Variants in EVA1A observed in about 807,000 individuals in gnomAD.
The protein encoded by EVA1A is eva-1 homolog A, regulator of programmed cell death, also known as protein eva-1 homolog A.
Under a neutral mutation model 9.8 loss-of-function variants are expected in EVA1A, and 7 were observed. That is an observed-to-expected ratio of 0.71 (90% CI 0.41 to 1.34). The LOEUF is 1.34. Ranked by LOEUF, EVA1A falls within the 40% of genes most tolerant of loss-of-function variation. The pLI is 0.01. For synonymous variants in EVA1A, 90 were observed against 85.6 expected (o/e 1.05, Z -0.28); for missense variants, 206 against 205.9 (o/e 1.00, Z 0.00).
rs74771829 is a variant in EVA1A at position 75,516,098 on chromosome 2, T to C, written c.85+1958A>G. 1.9e-3 allele frequency among the ~76,000 whole-genome samples: 286 copies of C among 152,346 alleles called. 1 individual carries two copies. The highest frequency in any genetic ancestry group is 6.4e-3 in the African/African-American group (265 of 41,586). ...GGGCCCTGCGGGGTTGAAGATCTGA[T>C]AGAGCAGAATGAGGACATGAGACAG... On this transcript the variant is annotated intron_variant, in intron 3 of 3. Coordinates refer to ENST00000393913, the MANE Select transcript of EVA1A (RefSeq NM_001135032.2).
intron 3 of EVA1A, among the ~76,000 whole-genome samples, chr2:75,510,740 A>G (rs1558675488): frequency 6.6e-6 from 1 of 152,250 alleles, no homozygotes; most frequent in Non-Finnish European, 1.5e-5. Context: ...AACAGACACA[A>G]AGGACTAATA....
At chr2:75,547,638 T>C (rs1676379811) in intron 1 of EVA1A, among the ~76,000 whole-genome samples, 1 of 152,170 alleles carries the variant, frequency 6.6e-6, no homozygotes. Flanking sequence ...TCTCATCAAA[T>C]TGGTCTGCAG....
chr2:75,564,401 G>A (rs1676986791), upstream of EVA1A, among the ~76,000 whole-genome samples: 1 of 152,248 alleles, frequency 6.6e-6, no homozygotes. Context: ...GCCCAAGGCT[G>A]ATAGCTGGGG....
At chr2:75,547,414 A>G (rs980108916) in intron 1 of EVA1A, among the ~76,000 whole-genome samples, 3 of 152,232 alleles carry the variant, frequency 2.0e-5, no homozygotes, top group African/African-American at 7.2e-5. Context: ...AGTTTGAAAT[A>G]GGAAATACAA....
intron 1 of EVA1A, among the ~76,000 whole-genome samples, chr2:75,531,712 G>T (rs983858657): frequency 6.6e-6 from 1 of 152,130 alleles, no homozygotes; most frequent in African/African-American, 2.4e-5. Context: ...GCTAAGCTAT[G>T]AGGACGCAAA....
intron 3 of EVA1A, 90 bp from the exon 4 acceptor site, chr2:75,493,699 A>G: frequency 7.8e-7 from 1 of 1,280,220 alleles, no homozygotes; most frequent in Non-Finnish European, 1.0e-6. Context: ...ACTTCTCACC[A>G]GGCCCCAAAG....
intron 1 of EVA1A, among the ~76,000 whole-genome samples, chr2:75,551,298 T>A (rs1330718876): frequency 6.6e-6 from 1 of 152,196 alleles, no homozygotes; most frequent in Non-Finnish European, 1.5e-5. Context: ...TCACCTCACA[T>A]TTGTTCATTA....
intron 3 of EVA1A, among the ~76,000 whole-genome samples, chr2:75,498,801 CT>C (rs35246724): frequency 0.085 from 12,447 of 147,170 alleles, 592 homozygotes; most frequent in Middle Eastern, 0.16. Flanking sequence ...CCACACACAC[CT>C]TTTTTTTTTT....
intron 1 of EVA1A, among the ~76,000 whole-genome samples, chr2:75,545,512 T>A (rs1676298208): frequency 6.6e-6 from 1 of 152,148 alleles, no homozygotes; most frequent in African/African-American, 2.4e-5. Flanking sequence ...GGTAGCCAAG[T>A]GTAGCCACTG....
chr2:75,534,104 T>G (rs1675785784), intron 1 of EVA1A, among the ~76,000 whole-genome samples: 1 of 152,122 alleles, frequency 6.6e-6, no homozygotes, highest in Non-Finnish European at 1.5e-5. Flanking sequence ...CAGGGCATGG[T>G]GGCAAATGCC....
At chr2:75,493,647 T>C (rs1289970945) in intron 3 of EVA1A, 38 bp from the exon 4 acceptor site, 17 of 1,531,064 alleles carry the variant, frequency 1.1e-5, no homozygotes, top group African/African-American at 1.4e-5. Context: ...ATTTGAGAGA[T>C]GACAACTCCA....
At chr2:75,519,822 T>C (rs1467268619) in intron 2 of EVA1A, among the ~76,000 whole-genome samples, 1 of 148,810 alleles carries the variant, frequency 6.7e-6, no homozygotes, top group Non-Finnish European at 1.5e-5. Flanking sequence ...CCCTCCTTCC[T>C]GTCTCCACTA....
At chr2:75,551,391 G>C (rs1472824885) in intron 1 of EVA1A, among the ~76,000 whole-genome samples, 1 of 152,124 alleles carries the variant, frequency 6.6e-6, no homozygotes. Context: ...CCAAATCCGT[G>C]AACATTTCAG....
At chr2:75,565,229 A>G (rs1013962269), upstream of EVA1A, among the ~76,000 whole-genome samples, 1 of 152,200 alleles carries the variant, frequency 6.6e-6, no homozygotes, top group Non-Finnish European at 1.5e-5. Context: ...CTGAAATCAC[A>G]AGCTGGGCTC....
chr2:75,565,695 C>G (rs2104007511), upstream of EVA1A, among the ~76,000 whole-genome samples: 1 of 152,286 alleles, frequency 6.6e-6, no homozygotes, highest in Non-Finnish European at 1.5e-5. Context: ...TAAATGATCT[C>G]CAGGAGTGAT....
chr2:75,517,894 C>A, intron 3 of EVA1A, 162 bp downstream of exon 3: 1 of 836,374 alleles, frequency 1.2e-6, no homozygotes. Context: ...GCTTAACTCC[C>A]AACCTGGAGA....
chr2:75,562,435 T>C (rs1262575295), upstream of EVA1A, among the ~76,000 whole-genome samples: 1 of 152,184 alleles, frequency 6.6e-6, no homozygotes, highest in East Asian at 1.9e-4. Flanking sequence ...GAAATGCTGC[T>C]CTTCAAAAGG....
At chr2:75,565,889 T>C (rs2104007828), upstream of EVA1A, among the ~76,000 whole-genome samples, 1 of 152,350 alleles carries the variant, frequency 6.6e-6, no homozygotes, top group South Asian at 2.1e-4. Flanking sequence ...TTCCTATCTA[T>C]TCATCTTAAC....
intron 1 of EVA1A, among the ~76,000 whole-genome samples, chr2:75,527,031 G>A (rs141822586): frequency 6.6e-6 from 1 of 152,224 alleles, no homozygotes; most frequent in Admixed American, 6.5e-5. Context: ...CAACACAACT[G>A]GTGCAGACAA....
Sources: allele counts gnomAD v4.1 joint callset (sites outside exome capture counted in the v4.1 genomes callset), GRCh38; gene constraint gnomAD v4.1.1; transcripts MANE v1.5; gene names NCBI Gene and HGNC (gene_info 2026-07-23, HGNC 2026-07-21).